PEX10: variants seen among roughly 807,000 people sequenced by gnomAD.
PEX10 encodes peroxisomal biogenesis factor 10.
A neutral mutation model predicts 38.0 loss-of-function variants in PEX10; 32 were observed. The ratio of observed to expected loss-of-function variants is 0.84; its 90% CI spans 0.63 to 1.13. PEX10 has a LOEUF of 1.13. Among genes scored for constraint, PEX10 ranks in the 50% most tolerant of loss-of-function variants. The pLI, the probability that PEX10 is intolerant of heterozygous loss-of-function variation, is 0.00. For missense variants in PEX10, 483 were observed against 457.7 expected, an observed-to-expected ratio of 1.06 and a Z score of -0.51; for synonymous variants, 206 against 207.3, an observed-to-expected ratio of 0.99 and a Z score of 0.05.
Position 2,406,566 on chromosome 1 carries a change from A to G in PEX10, c.830T>C (p.Leu277Pro), listed in dbSNP as rs724160000. 6.2e-7 allele frequency: 1 copy of G among 1,613,340 alleles called. No individual in the cohort carries two copies. The highest frequency in any genetic ancestry group is 2.2e-5 in the East Asian group (1 of 44,872). The change falls in exon 5 of 6, where the codon CTG (leucine) becomes CCG (proline). Residue 277 changes from leucine to proline, a missense_variant. Coordinates refer to ENST00000447513, the MANE Select transcript of PEX10 (RefSeq NM_002617.4). ...VSRNPLCTLC[L>P]EERRHPTATP... Reference sequence around the variant, plus strand: ...GGCTGTTGGGTGCCTGCGCTCCTCCAGGCACAGGGTGCACAGGGGGTTTCT... The same window carrying G: ...GGCTGTTGGGTGCCTGCGCTCCTCCGGGCACAGGGTGCACAGGGGGTTTCT...
chr1:2,412,845 C>G (rs1218374146), upstream of PEX10, among the ~76,000 whole-genome samples: 2 of 152,142 alleles, frequency 1.3e-5, no homozygotes, highest in Non-Finnish European at 2.9e-5. Context: ...TTGCTGCGAC[C>G]TCGGGGTCCT....
chr1:2,406,345 C>A, intron 5 of PEX10, 139 bp downstream of exon 5: 1 of 1,126,860 alleles, frequency 8.9e-7, no homozygotes, highest in Non-Finnish European at 1.3e-6. Flanking sequence ...TACCTGGGAG[C>A]CTTTAAAAAG....
Position 2,406,709 on chromosome 1 carries a change from C to CCCGCACGCACCTGCGGTGAGACAGG in PEX10, c.762_776+10dup, listed in dbSNP as rs1433344985. 6.2e-6 allele frequency: 10 copies of CCCGCACGCACCTGCGGTGAGACAGG among 1,608,730 alleles called. No individual in the cohort carries two copies. In the African/African-American group the frequency reaches 1.3e-4, roughly 21 times the overall value. ...ACACCCCCAGCCCCCATGTGTGGCC[C>CCCGCACGCACCTGCGGTGAGACAGG]CCGCACGCACCTGCGGTGAGACAGG... On this transcript the variant is annotated intron_variant, in intron 4 of 5. Transcript: ENST00000447513.
rs1643142868 is a variant in PEX10 at position 2,410,266 on chromosome 1, C to T, written c.193+105G>A. 5 of 994,898 alleles carry T rather than the reference C, an allele frequency of 5.0e-6. No individual in the cohort carries two copies. The highest frequency in any genetic ancestry group is 1.6e-5 in the African/African-American group (1 of 62,688). 61.6% of individuals were successfully genotyped at this position (994,898 alleles called of 1,614,324 possible). ...CTTCCCTGAAGCAACCTCACCCGGG[C>T]CAGCTCCAGGAGCTTCTCACACTGC... On this transcript the variant is annotated intron_variant, in intron 2 of 5. Coordinates refer to ENST00000447513, the MANE Select transcript of PEX10 (RefSeq NM_002617.4). This position sits in a 1 kb window ranked among gnomAD's most constrained non-coding sequence, Gnocchi z 5.1.
intron 5 of PEX10, among the ~76,000 whole-genome samples, chr1:2,406,169 T>C (rs1557908181): frequency 6.6e-6 from 1 of 152,066 alleles, no homozygotes; most frequent in Non-Finnish European, 1.5e-5. Context: ...GTCAGTGTGC[T>C]AGGGTTTTCA....
chr1:2,412,731 G>T (rs1156542559), upstream of PEX10, among the ~76,000 whole-genome samples: 2 of 151,838 alleles, frequency 1.3e-5, no homozygotes, highest in African/African-American at 2.4e-5. Flanking sequence ...GTAGTCGGAG[G>T]CGCAGGGCGG....
rs780928201 is a variant in PEX10, at chr1:2,410,263, G to A, written c.193+108C>T. On this transcript the variant is annotated intron_variant, in intron 2 of 5. Transcript: ENST00000447513. The surrounding 1 kb of genome is among the most constrained non-coding windows in gnomAD (Gnocchi z 5.1). ...GCACTTCCCTGAAGCAACCTCACCC[G>A]GGCCAGCTCCAGGAGCTTCTCACAC... 1.1e-5 allele frequency: 11 copies of A among 964,488 alleles called. No individual in the cohort carries two copies. Among genetic ancestry groups the A allele is most frequent in the Admixed American group, 7.5e-5 (4 of 53,572 alleles). 59.7% of individuals were successfully genotyped at this position (964,488 alleles called of 1,614,324 possible). A position where few individuals can be genotyped will look rare whatever the true frequency, so the allele number is the denominator to read the frequency against.
rs147489074 is a variant in PEX10 at position 2,410,996 on chromosome 1, T to A, written c.113-545A>T. ...ACACAAAAAATTCTCATCATGTCAC[T>A]CTCCTGTTCAGAATCCACCAATGGC... On this transcript the variant is annotated intron_variant, in intron 1 of 5. Transcript: ENST00000447513. This position sits in a 1 kb window ranked among gnomAD's most constrained non-coding sequence, Gnocchi z 5.1. The A allele has an allele frequency of 7.8e-4, 317 of 406,116 alleles. No homozygotes were observed. The highest frequency in any genetic ancestry group is 5.9e-3 in the African/African-American group (289 of 48,898). 25.2% of individuals were successfully genotyped at this position (406,116 alleles called of 1,614,324 possible).
At chr1:2,407,640 G>T (rs564874037) in intron 3 of PEX10, among the ~76,000 whole-genome samples, 3 of 152,196 alleles carry the variant, frequency 2.0e-5, no homozygotes, top group Non-Finnish European at 4.4e-5. Context: ...AAATACGCAA[G>T]TGAGGCTGGG....
At position 2,406,731 on chromosome 1, in the gene PEX10, C is replaced by T. The variant is rs140133667; in HGVS notation, c.765G>A (p.Leu255=). 6.5e-5 allele frequency: 104 copies of T among 1,608,554 alleles called. No homozygotes were observed. In the African/African-American group the frequency reaches 1.3e-3, roughly 20 times the overall value. The part of the protein sequence containing the change: ...ARKEWRLHRG[L]SHRRASLEER... ...GCCCCCGCACGCACCTGCGGTGAGA[C>T]AGGCCGCGGTGCAGCCTCCACTCCT... Residue 255 remains leucine (L), a synonymous_variant, in exon 4 of 6, where the codon CTG becomes CTA. Transcript: ENST00000447513.
chr1:2,406,573 G>A lies in PEX10; in HGVS notation c.823C>T (p.Leu275=), dbSNP rs752928632. 59 of 1,613,320 alleles carry A rather than the reference G, an allele frequency of 3.7e-5. No homozygotes were observed. The East Asian group carries it at 1.3e-3, about 35-fold the overall frequency. The change falls in exon 5 of 6, where the codon CTG becomes TTG. Residue 275 remains leucine, a synonymous_variant. Transcript: ENST00000447513. ...RAVSRNPLCT[L]CLEERRHPTA... Reference sequence around the variant, plus strand: ...GGGTGCCTGCGCTCCTCCAGGCACAGGGTGCACAGGGGGTTTCTGGAAACG... The same window carrying A: ...GGGTGCCTGCGCTCCTCCAGGCACAAGGTGCACAGGGGGTTTCTGGAAACG...
In PEX10 at chr1:2,406,502, G is replaced by A. The variant is rs138406081; in HGVS notation, c.894C>T (p.Thr298=). The stretch of plus-strand genomic sequence containing the variant: ...ACCTCACCTTGCTGCTGCACCACGC[G>A]GTGATGCACTCCCAGCAGAACAGGT... The part of the protein sequence containing the change: ...CGHLFCWECI[T]AWCSSKAECP... Residue 298 remains threonine, a synonymous_variant, in exon 5 of 6, where the codon ACC becomes ACT. Coordinates refer to ENST00000447513, the MANE Select transcript of PEX10 (RefSeq NM_002617.4). 58 of 1,612,662 alleles carry A rather than the reference G, an allele frequency of 3.6e-5. No homozygotes were observed. In the African/African-American group the frequency reaches 4.8e-4, roughly 13 times the overall value.
Position 2,410,512 on chromosome 1 carries a change from C to A in PEX10, c.113-61G>T. 7.0e-7 allele frequency: 1 copy of A among 1,433,824 alleles called. No individual in the cohort carries two copies. The highest frequency in any genetic ancestry group is 9.7e-7 in the Non-Finnish European group (1 of 1,025,802). The allele number at this position is 1,433,824 out of a possible 1,614,324, so 88.8% of individuals were successfully genotyped here. A position where few individuals can be genotyped will look rare whatever the true frequency, so the allele number is the denominator to read the frequency against. Reference sequence around the variant, plus strand: ...GTGGGCATCCTCTGAGGATGAGGGACCACAGTCCTCCCCCAGTTGTCTAGG... The same window carrying A: ...GTGGGCATCCTCTGAGGATGAGGGAACACAGTCCTCCCCCAGTTGTCTAGG... On this transcript the variant is annotated intron_variant, in intron 1 of 5. Coordinates refer to ENST00000447513, the MANE Select transcript of PEX10 (RefSeq NM_002617.4). The surrounding 1 kb of genome is among the most constrained non-coding windows in gnomAD (Gnocchi z 5.1).
At position 2,407,092 on chromosome 1, in the gene PEX10, A is replaced by G. The variant is rs1643036220; in HGVS notation, c.601-197T>C. 1.1e-5 allele frequency: 8 copies of G among 735,716 alleles called. No homozygotes were observed. The South Asian group carries it at 1.2e-4, about 11-fold the overall frequency. The allele number at this position is 735,716 out of a possible 1,614,324, so 45.6% of individuals were successfully genotyped here. On this transcript the variant is annotated intron_variant, in intron 3 of 5. Coordinates refer to ENST00000447513, the MANE Select transcript of PEX10 (RefSeq NM_002617.4). ...TGAGGTGCCTGCTTCGTAGCCTAGC[A>G]TGACGGAGAGGCCTGAGCTCCAGAC...
In PEX10 at chr1:2,405,725, C is replaced by G; in HGVS notation, c.*41G>C. Reference sequence around the variant, plus strand: ...AGACTAAATCTTGGCGTTCAGACTCCCGTAGAGGTCATCTGTGTCCAGGCC... The same window carrying G: ...AGACTAAATCTTGGCGTTCAGACTCGCGTAGAGGTCATCTGTGTCCAGGCC... On this transcript the variant is annotated 3_prime_UTR_variant, in exon 6 of 6. Transcript: ENST00000447513. 5 of 1,532,498 alleles carry G rather than the reference C, an allele frequency of 3.3e-6. No individual in the cohort carries two copies. The highest frequency in any genetic ancestry group is 4.5e-6 in the Non-Finnish European group (5 of 1,123,014). 94.9% of individuals were successfully genotyped at this position (1,532,498 alleles called of 1,614,324 possible).
rs1261670377 is a variant in PEX10 at position 2,408,494 on chromosome 1, A to G, written c.558T>C (p.Gly186=). The G allele has an allele frequency of 6.2e-6, 10 of 1,612,994 alleles. No homozygotes were observed. The highest frequency in any genetic ancestry group is 8.5e-6 in the Non-Finnish European group (10 of 1,179,992). Reference sequence around the variant, plus strand: ...GCCTCTTGGCCAGGTGGTAGAAGACACCGTGGATGTAAAACCAGGCAACAT... The same window carrying G: ...GCCTCTTGGCCAGGTGGTAGAAGACGCCGTGGATGTAAAACCAGGCAACAT... ...RLHVAWFYIH[G]VFYHLAKRLT... The change falls in exon 3 of 6, where the codon GGT becomes GGC. Residue 186 remains glycine, a synonymous_variant. Coordinates refer to ENST00000447513, the MANE Select transcript of PEX10 (RefSeq NM_002617.4).
chr1:2,412,677 G>T, upstream of PEX10: 1 of 418,420 alleles, frequency 2.4e-6, no homozygotes, highest in Non-Finnish European at 4.0e-6. Context: ...CGGAAGCGGG[G>T]CTGGAGTCCG....
upstream of PEX10, among the ~76,000 whole-genome samples, chr1:2,412,996 G>A (rs1643323868): frequency 2.0e-5 from 3 of 152,334 alleles, no homozygotes; most frequent in South Asian, 6.2e-4. Context: ...TCGGGAAGCC[G>A]AGCTCCCAGC....
Position 2,410,270 on chromosome 1 carries a change from C to T in PEX10, c.193+101G>A. The T allele has an allele frequency of 2.9e-6, 3 of 1,038,032 alleles. No homozygotes were observed. The highest frequency in any genetic ancestry group is 1.3e-5 in the South Asian group (1 of 76,772). 64.3% of individuals were successfully genotyped at this position (1,038,032 alleles called of 1,614,324 possible). ...CCTGAAGCAACCTCACCCGGGCCAG[C>T]TCCAGGAGCTTCTCACACTGCCTGG... On this transcript the variant is annotated intron_variant, in intron 2 of 5. Transcript: ENST00000447513. The surrounding 1 kb of genome is among the most constrained non-coding windows in gnomAD (Gnocchi z 5.1).
Sources: allele counts gnomAD v4.1 joint callset (sites outside exome capture counted in the v4.1 genomes callset), GRCh38; gene constraint gnomAD v4.1.1; non-coding constraint Gnocchi (gnomAD v3.1); transcripts MANE v1.5; gene names NCBI Gene and HGNC (gene_info 2026-07-23, HGNC 2026-07-21).